COLQ: variants seen among roughly 807,000 people sequenced by gnomAD.
COLQ encodes collagen like tail subunit of asymmetric acetylcholinesterase, also known as acetylcholinesterase collagenic tail peptide.
In COLQ, 48 loss-of-function variants were observed where a neutral mutation model predicts 69.0. The ratio of observed to expected loss-of-function variants is 0.70; its 90% CI spans 0.55 to 0.88. COLQ has a LOEUF of 0.88. Ranked by LOEUF, COLQ falls within the 40% of genes least tolerant of loss-of-function variation. COLQ has a pLI of 0.00. For missense variants in COLQ, 618 were observed against 594.6 expected (o/e 1.04, Z -0.41); for synonymous variants, 217 against 211.2 (o/e 1.03, Z -0.24).
At chr3:15,504,782 C>A (rs2062883111) in intron 1 of COLQ, among the ~76,000 whole-genome samples, 1 of 152,156 alleles carries the variant, frequency 6.6e-6, no homozygotes, top group South Asian at 2.1e-4. Context: ...GTCGTTTGAA[C>A]CCGGAAACTG....
At chr3:15,465,427 C>T (rs1478353842) in intron 12 of COLQ, among the ~76,000 whole-genome samples, 4 of 149,352 alleles carry the variant, frequency 2.7e-5, no homozygotes, top group East Asian at 2.0e-4. Flanking sequence ...CCACCACGCC[C>T]GGCTAATTTT....
rs991851079 is a variant in COLQ at position 15,477,265 on chromosome 3, G to T, written c.394-68C>A. 3.5e-6 allele frequency: 5 copies of T among 1,439,950 alleles called. No individual in the cohort carries two copies. In the Admixed American group the frequency reaches 5.9e-5, roughly 17 times the overall value. The allele number at this position is 1,439,950 out of a possible 1,614,324, so 89.2% of individuals were successfully genotyped here. A position where few individuals can be genotyped will look rare whatever the true frequency, so the allele number is the denominator to read the frequency against. On this transcript the variant is annotated intron_variant, in intron 5 of 16. Coordinates refer to ENST00000383788, the MANE Select transcript of COLQ (RefSeq NM_005677.4). ...TCTTTACTTCTAATAAATATGTTTTGTCTCTGGGGCCCAGAGGAGACAGTG... is the reference window on the plus strand; with the variant it reads ...TCTTTACTTCTAATAAATATGTTTTTTCTCTGGGGCCCAGAGGAGACAGTG...
In COLQ at chr3:15,453,922, C is replaced by G. The variant is rs140670616; in HGVS notation, c.1205G>C (p.Arg402Pro). 6.2e-7 allele frequency: 1 copy of G among 1,607,012 alleles called. No homozygotes were observed. Among genetic ancestry groups the G allele is most frequent in the Non-Finnish European group, 8.5e-7 (1 of 1,176,464 alleles). ...DVGDDCIRCH[R>P]AYCGDGHRHE... is the part of the protein sequence containing the mutation. ...CCGGTGACCATCTCCACAGTAGGCACGGTGACAGCCTGAGGGGACATAAGG... is the reference window on the plus strand; with the variant it reads ...CCGGTGACCATCTCCACAGTAGGCAGGGTGACAGCCTGAGGGGACATAAGG... Residue 402 changes from arginine (R) to proline (P), a missense_variant, in exon 16 of 17, where the codon CGT (arginine) becomes CCT (proline). Physicochemically the swap from Arg to Pro is moderately radical, Grantham distance 103. Transcript: ENST00000383788.
chr3:15,450,515 C>T lies in COLQ; in HGVS notation c.*1129G>A, dbSNP rs2061926322. On this transcript the variant is annotated 3_prime_UTR_variant, in exon 17 of 17. Coordinates refer to ENST00000383788, the MANE Select transcript of COLQ (RefSeq NM_005677.4). The stretch of plus-strand genomic sequence containing the variant: ...ATGTCTTTCCAGAATAAAACTAAGC[C>T]CTACTCAGGAAAAATGGTGATGAAA... 1 of 153,694 alleles carries T rather than the reference C, an allele frequency of 6.5e-6. No individual in the cohort carries two copies. The highest frequency in any genetic ancestry group is 2.4e-5 in the African/African-American group (1 of 41,394). 9.5% of individuals were successfully genotyped at this position (153,694 alleles called of 1,614,324 possible). A position where few individuals can be genotyped will look rare whatever the true frequency, so the allele number is the denominator to read the frequency against.
In COLQ at chr3:15,479,330, G is replaced by C. The variant is rs1475884084; in HGVS notation, c.366+8C>G. ...GAAAGAAGGGTTGAAGAAAGTAGTG[G>C]TCCATACCTTTTCTCCCTTTGGTCC... On this transcript the variant is annotated splice_region_variant and intron_variant, in intron 4 of 16. Coordinates refer to ENST00000383788, the MANE Select transcript of COLQ (RefSeq NM_005677.4). The C allele has an allele frequency of 1.2e-6, 2 of 1,613,542 alleles. No individual in the cohort carries two copies. The highest frequency in any genetic ancestry group is 1.7e-6 in the Non-Finnish European group (2 of 1,179,580).
At chr3:15,462,514 T>C (rs1260310907) in intron 12 of COLQ, among the ~76,000 whole-genome samples, 1 of 152,162 alleles carries the variant, frequency 6.6e-6, no homozygotes, top group African/African-American at 2.4e-5. Context: ...TCCAAAGAGA[T>C]GGTCCCACCC....
At chr3:15,504,645 G>A (rs2062880758) in intron 1 of COLQ, among the ~76,000 whole-genome samples, 1 of 152,162 alleles carries the variant, frequency 6.6e-6, no homozygotes, top group Non-Finnish European at 1.5e-5. Flanking sequence ...GATCACTTGA[G>A]GTGAGGAGTT....
Position 15,488,279 on chromosome 3 carries a change from A to T in COLQ, c.248T>A (p.Met83Lys). 6.2e-7 allele frequency: 1 copy of T among 1,613,712 alleles called. No homozygotes were observed. Residue 83 changes from methionine to lysine, a missense_variant, in exon 3 of 17, where the codon ATG becomes AAG. Transcript: ENST00000383788. Reference protein sequence around the residue: ...PLLSPDMKNLMLELETSQSPC... With the variant: ...PLLSPDMKNLKLELETSQSPC... ...GGACTGCGAGGTCTCCAGTTCCAGC[A>T]TGAGATTCTTCATGTCTGGGGAGAG...
At chr3:15,478,512 G>T (rs3773447) in intron 5 of COLQ, 94,929 of 218,886 alleles carry the variant, frequency 0.43, 21,027 homozygotes, top group East Asian at 0.49. Context: ...TTTGGTTCAC[G>T]CAGAGTCACC....
At chr3:15,489,716 C>G in intron 1 of COLQ, 79 bp from the exon 2 acceptor site, 1 of 1,231,364 alleles carries the variant, frequency 8.1e-7, no homozygotes, top group Non-Finnish European at 1.2e-6. Flanking sequence ...CAGGGAAGAC[C>G]CATCCTGCCA....
At chr3:15,464,698 A>AG (rs2125100370) in intron 12 of COLQ, among the ~76,000 whole-genome samples, 1 of 152,354 alleles carries the variant, frequency 6.6e-6, no homozygotes, top group Non-Finnish European at 1.5e-5. Context: ...CATTTTCTTA[A>AG]GAAAAAAGTT....
chr3:15,463,735 C>T (rs555599240), intron 12 of COLQ, among the ~76,000 whole-genome samples: 5 of 152,102 alleles, frequency 3.3e-5, no homozygotes, highest in African/African-American at 7.2e-5. Context: ...TCAGTCTCTG[C>T]GGTTGGTAGC....
chr3:15,452,204 T>C lies in COLQ; in HGVS notation c.1299-491A>G, dbSNP rs1043447688. ...GCCTCAGCTTCCTGAGTACCTGGGA[T>C]TACAGGCACGTGCCACCAAGCTCAG... is the stretch of plus-strand genomic sequence containing the variant. On this transcript the variant is annotated intron_variant, in intron 16 of 16. Transcript: ENST00000383788. Among the ~76,000 whole-genome samples, 3 of 152,080 alleles carry C rather than the reference T, an allele frequency of 2.0e-5. No homozygotes were observed. The East Asian group carries it at 5.8e-4, about 29-fold the overall frequency.
At chr3:15,492,700 C>G (rs1466021330) in intron 1 of COLQ, among the ~76,000 whole-genome samples, 1 of 151,894 alleles carries the variant, frequency 6.6e-6, no homozygotes, top group South Asian at 2.1e-4. Flanking sequence ...AAAGAGAATT[C>G]AGTTCTAGAA....
At position 15,483,963 on chromosome 3, in the gene COLQ, T is replaced by G. The variant is rs543082577; in HGVS notation, c.321+4243A>C. 1.4e-4 allele frequency among the ~76,000 whole-genome samples: 22 copies of G among 152,364 alleles called. 1 individual carries two copies. The highest frequency in any genetic ancestry group is 1.0e-3 in the Admixed American group (16 of 15,308). On this transcript the variant is annotated intron_variant, in intron 3 of 16. Coordinates refer to ENST00000383788, the MANE Select transcript of COLQ (RefSeq NM_005677.4). ...TATTGAATTCATCCCTTTACCATTA[T>G]GTAATGGCCTTCTTTGTCTCTTTTG...
chr3:15,471,258 A>G (rs555178565), intron 10 of COLQ, among the ~76,000 whole-genome samples: 55 of 152,348 alleles, frequency 3.6e-4, no homozygotes, highest in African/African-American at 1.3e-3. Flanking sequence ...CATCTTCAAT[A>G]TAATTATTGA....
At chr3:15,517,559 C>T (rs755223776) in intron 1 of COLQ, among the ~76,000 whole-genome samples, 2 of 152,162 alleles carry the variant, frequency 1.3e-5, no homozygotes, top group African/African-American at 2.4e-5. Flanking sequence ...AATCCACAGA[C>T]CCATAAGTGA....
chr3:15,497,046 T>C lies in COLQ; in HGVS notation c.107-7409A>G, dbSNP rs2062756433. 2.1e-5 allele frequency among the ~76,000 whole-genome samples: 3 copies of C among 145,412 alleles called. No individual in the cohort carries two copies. The South Asian group carries it at 6.7e-4, about 33-fold the overall frequency. Reference sequence around the variant, plus strand: ...CCAAAGTCCTTTTGCCTTTTTTTTTTTTTTTTTTTTTTTTTGAGACGAAGT... The same window carrying C: ...CCAAAGTCCTTTTGCCTTTTTTTTTCTTTTTTTTTTTTTTTGAGACGAAGT... On this transcript the variant is annotated intron_variant, in intron 1 of 16. Coordinates refer to ENST00000383788, the MANE Select transcript of COLQ (RefSeq NM_005677.4).
intron 1 of COLQ, among the ~76,000 whole-genome samples, chr3:15,518,655 C>G (rs777740307): frequency 1.8e-4 from 28 of 152,186 alleles, no homozygotes; most frequent in Admixed American, 1.3e-3. Context: ...TTCTTGAAGA[C>G]AGTGAAGGAG....
Sources: gnomAD v4.1 joint callset for allele counts (sites outside exome capture counted in the v4.1 genomes callset) on GRCh38, gnomAD v4.1.1 for gene constraint, MANE v1.5 for transcripts, NCBI Gene and HGNC (gene_info 2026-07-23, HGNC 2026-07-21) for gene names.